SLC12A1: variants seen among roughly 807,000 people sequenced by gnomAD.
SLC12A1 encodes Na-K-2Cl cotransporter.
SLC12A1 carries 89 observed loss-of-function variants against 130.4 expected under a neutral mutation model. The observed-to-expected ratio is 0.68, with a 90% CI of 0.58 to 0.81. SLC12A1 has a LOEUF of 0.81. Among genes scored for constraint, SLC12A1 ranks in the 40% least tolerant of loss-of-function variants. The pLI is 0.00. For missense variants in SLC12A1, 1,310 were observed against 1,336.4 expected, an observed-to-expected ratio of 0.98 and a Z score of 0.31; for synonymous variants, 499 against 460.0, an observed-to-expected ratio of 1.08 and a Z score of -1.09.
intron 2 of SLC12A1, among the ~76,000 whole-genome samples, chr15:48,219,639 A>G (rs570216118): frequency 6.6e-6 from 1 of 152,292 alleles, no homozygotes; most frequent in African/African-American, 2.4e-5. Context: ...AGAAAGAAAG[A>G]AAAAGTAAGG....
chr15:48,254,956 G>T (rs2041689720), intron 15 of SLC12A1, among the ~76,000 whole-genome samples: 1 of 152,026 alleles, frequency 6.6e-6, no homozygotes, highest in Non-Finnish European at 1.5e-5. Context: ...AGGGGGAAGG[G>T]GAGGGATGGT....
At chr15:48,285,394 G>A (rs1263522502) in intron 21 of SLC12A1, 145 bp downstream of exon 21, 1 of 666,732 alleles carries the variant, frequency 1.5e-6, no homozygotes, top group Non-Finnish European at 2.5e-6. Flanking sequence ...AAGGTAGTAT[G>A]GATAAACGGT....
chr15:48,221,556 A>G (rs973531710), intron 4 of SLC12A1: 1 of 565,018 alleles, frequency 1.8e-6, no homozygotes, highest in Non-Finnish European at 3.1e-6. Flanking sequence ...GACTAAGATA[A>G]TATGTGCATT....
chr15:48,277,212 C>T (rs1426722), intron 20 of SLC12A1, among the ~76,000 whole-genome samples: 41,804 of 151,160 alleles, frequency 0.28, 6,664 homozygotes, highest in African/African-American at 0.43. Context: ...AAATTGAAGA[C>T]GTAGGCAAAG....
intron 2 of SLC12A1, among the ~76,000 whole-genome samples, chr15:48,220,429 A>G (rs1462291165): frequency 6.6e-6 from 1 of 152,170 alleles, no homozygotes; most frequent in African/African-American, 2.4e-5. Context: ...GCCCTAAAAA[A>G]CACTTTAAAA....
chr15:48,208,170 C>T (rs1178697952), intron 2 of SLC12A1, 31 bp downstream of exon 2: 1 of 1,531,020 alleles, frequency 6.5e-7, no homozygotes, highest in Admixed American at 2.1e-5. Flanking sequence ...CAAGTCTCCT[C>T]CCTTATTCAT....
chr15:48,265,971 A>G (rs747024359), intron 17 of SLC12A1, among the ~76,000 whole-genome samples: 1 of 152,248 alleles, frequency 6.6e-6, no homozygotes, highest in Non-Finnish European at 1.5e-5. Flanking sequence ...ATACAGAAAC[A>G]TTAATGAGAT....
At position 48,207,075 on chromosome 15, in the gene SLC12A1, C is replaced by A. The variant is rs556692508; in HGVS notation, c.-186-459C>A. On this transcript the variant is annotated intron_variant, in intron 1 of 26. Transcript: ENST00000380993. ...ACATGTACAGATTTTTATAAACTAG[C>A]AAGAATATATTTTTTAGAAGTTTTG... 2.8e-4 allele frequency among the ~76,000 whole-genome samples: 42 copies of A among 152,102 alleles called. 1 individual carries two copies. The highest frequency in any genetic ancestry group is 1.0e-3 in the African/African-American group (42 of 41,498).
Position 48,302,848 on chromosome 15 carries a change from G to C in SLC12A1, c.3263G>C (p.Arg1088Thr). Residue 1088 changes from arginine (R) to threonine (T), a missense_variant, in exon 27 of 27, where the codon AGA becomes ACA. Coordinates refer to ENST00000380993, the MANE Select transcript of SLC12A1 (RefSeq NM_000338.3). ...AACCTCCCACCTGTCTTACTAGTTA[G>C]AGGAAATCACAAAAATGTCTTGACA... ...TKNLPPVLLV[R>T]GNHKNVLTFY... The C allele has an allele frequency of 1.9e-6, 3 of 1,612,902 alleles. No homozygotes were observed. The highest frequency in any genetic ancestry group is 2.5e-6 in the Non-Finnish European group (3 of 1,179,072).
chr15:48,293,260 G>C (rs2042140045), intron 24 of SLC12A1, among the ~76,000 whole-genome samples: 1 of 152,192 alleles, frequency 6.6e-6, no homozygotes, highest in African/African-American at 2.4e-5. Context: ...TAGTTTGCAA[G>C]GGTGCAAGAA....
At chr15:48,263,855 G>A (rs185366955) in intron 17 of SLC12A1, among the ~76,000 whole-genome samples, 2 of 152,142 alleles carry the variant, frequency 1.3e-5, no homozygotes, top group Non-Finnish European at 2.9e-5. Context: ...ACCACACCCA[G>A]CTAATTTTTG....
rs141103001 is a variant in SLC12A1 at position 48,273,643 on chromosome 15, A to C, written c.2403-928A>C. Among the ~76,000 whole-genome samples, 735 of 152,304 alleles carry C rather than the reference A, an allele frequency of 4.8e-3. 8 individuals are homozygous for C. The highest frequency in any genetic ancestry group is 0.044 in the Middle Eastern group (13 of 294). On this transcript the variant is annotated intron_variant, in intron 19 of 26. Transcript: ENST00000380993. ...TTGTGACAGCTTGTGCCAGAATAGA[A>C]CTATTCTGTTAAGTAAAGATTACTT...
intron 2 of SLC12A1, among the ~76,000 whole-genome samples, chr15:48,213,079 G>A (rs994098992): frequency 1.3e-5 from 2 of 152,156 alleles, no homozygotes; most frequent in Admixed American, 6.5e-5. Context: ...GGATCTTTTA[G>A]AAGAGAAAAC....
chr15:48,207,032 T>C (rs1447472562), intron 1 of SLC12A1, among the ~76,000 whole-genome samples: 9 of 152,174 alleles, frequency 5.9e-5, no homozygotes, highest in Non-Finnish European at 1.3e-4. Context: ...GTAACAAAAT[T>C]TGGAATTTAT....
rs375530639 is a variant in SLC12A1 at position 48,266,727 on chromosome 15, T to C, written c.2155-834T>C. ...AAATGGATTTGTACCCTGTCAGACA[T>C]ATGGCAGATAATCAGAAATAACTTT... On this transcript the variant is annotated intron_variant, in intron 17 of 26. Transcript: ENST00000380993. 1.9e-4 allele frequency among the ~76,000 whole-genome samples: 29 copies of C among 152,198 alleles called. No homozygotes were observed. In the East Asian group the frequency reaches 2.1e-3, roughly 11 times the overall value.
intron 17 of SLC12A1, among the ~76,000 whole-genome samples, chr15:48,265,174 G>T (rs919031892): frequency 6.6e-6 from 1 of 152,194 alleles, no homozygotes; most frequent in Non-Finnish European, 1.5e-5. Context: ...GTGCTACAAT[G>T]ATGTTATAAT....
chr15:48,290,060 T>C (rs775264801), intron 23 of SLC12A1, among the ~76,000 whole-genome samples: 13 of 152,248 alleles, frequency 8.5e-5, no homozygotes, highest in Non-Finnish European at 1.8e-4. Flanking sequence ...TTAAAACGTA[T>C]TGTACAGCTA....
rs142405349 is a variant in SLC12A1, at chr15:48,288,896, A to C, written c.2873+380A>C. On this transcript the variant is annotated intron_variant, in intron 23 of 26. Transcript: ENST00000380993. ...GTTGCTTTTTCTGTGGGAATTCAAA[A>C]CTCCTAATTCATGGCAGTCACTCTT... Among the ~76,000 whole-genome samples the C allele has an allele frequency of 4.9e-3, 743 of 152,022 alleles. 8 individuals carry two copies. The highest frequency in any genetic ancestry group is 0.044 in the Middle Eastern group (13 of 294).
intron 9 of SLC12A1, chr15:48,237,294 G>A (rs2041451220): frequency 5.2e-6 from 2 of 388,008 alleles, no homozygotes; most frequent in Non-Finnish European, 9.3e-6. Context: ...TATTTTAAGT[G>A]CAGAGTAGTG....
Sources: gnomAD v4.1 joint callset for allele counts (sites outside exome capture counted in the v4.1 genomes callset) on GRCh38, gnomAD v4.1.1 for gene constraint, MANE v1.5 for transcripts, NCBI Gene and HGNC (gene_info 2026-07-23, HGNC 2026-07-21) for gene names.